PSMD5: variants seen among roughly 807,000 people sequenced by gnomAD.
The protein encoded by PSMD5 is 26S proteasome non-ATPase regulatory subunit 5.
Under a neutral mutation model 52.1 loss-of-function variants are expected in PSMD5, and 40 were observed. That is an observed-to-expected ratio of 0.77 (90% CI 0.60 to 1.00). PSMD5 has a LOEUF of 1.00. Ranked by LOEUF, PSMD5 falls within the 50% of genes least tolerant of loss-of-function variation. The probability of loss-of-function intolerance (pLI) is 0.00; values close to 1 mark genes in which losing one functional copy is unlikely to be tolerated. For synonymous variants in PSMD5, 211 were observed against 226.6 expected, an observed-to-expected ratio of 0.93 and a Z score of 0.62; for missense variants, 575 against 605.2, an observed-to-expected ratio of 0.95 and a Z score of 0.52.
At chr9:120,833,538 TCAG>T in intron 1 of PSMD5, 82 bp from the exon 2 acceptor site, 2 of 1,417,066 alleles carry the variant, frequency 1.4e-6, no homozygotes, top group Non-Finnish European at 1.9e-6. Flanking sequence ...GAAGCTTGCG[TCAG>T]CGTCTCCTCC....
intron 7 of PSMD5, 123 bp downstream of exon 7, chr9:120,824,371 T>C: frequency 1.1e-6 from 1 of 932,278 alleles, no homozygotes; most frequent in Non-Finnish European, 1.7e-6. Context: ...AAGGTCATGG[T>C]TAACAAGACT....
rs1358219656 is a variant in PSMD5 at position 120,831,849 on chromosome 9, G to C, written c.415C>G (p.Leu139Val). Residue 139 changes from leucine (L) to valine (V), a missense_variant, in exon 3 of 10, where the codon CTA (leucine) becomes GTA (valine). By Grantham distance (32) the Leu-to-Val change is conservative (BLOSUM62 1). Coordinates refer to ENST00000210313, the MANE Select transcript of PSMD5 (RefSeq NM_005047.4). ...QIVYCIGGENLSVAKAAIKSL... is the reference protein window; with the variant it reads ...QIVYCIGGENVSVAKAAIKSL... ...AGACTCACCGCTTTTGCTACAGATAGATTCTCTCCACCAATGCAATAAACA... is the reference window on the plus strand; with the variant it reads ...AGACTCACCGCTTTTGCTACAGATACATTCTCTCCACCAATGCAATAAACA... 3 of 1,612,938 alleles carry C rather than the reference G, an allele frequency of 1.9e-6. No homozygotes were observed. Among genetic ancestry groups the C allele is most frequent in the East Asian group, 2.2e-5 (1 of 44,832 alleles).
chr9:120,840,562 C>T (rs531876508), intron 1 of PSMD5, among the ~76,000 whole-genome samples: 2 of 151,538 alleles, frequency 1.3e-5, no homozygotes, highest in South Asian at 4.3e-4. Context: ...TGTCCTGCCT[C>T]AGCCTCCCAA....
At chr9:120,841,191 A>C (rs12343516) in intron 1 of PSMD5, among the ~76,000 whole-genome samples, 71,620 of 152,162 alleles carry the variant, frequency 0.47, 19,979 homozygotes, top group South Asian at 0.74. Context: ...CAAGTTTTAC[A>C]TGCCTGTGGG....
Position 120,835,050 on chromosome 9 carries a change from T to A in PSMD5, c.174-1594A>T, listed in dbSNP as rs144104433. On this transcript the variant is annotated intron_variant, in intron 1 of 9. Transcript: ENST00000210313. The stretch of plus-strand genomic sequence containing the variant: ...ACAACCTTTTGGGTAGGTAACTACA[T>A]GATACAAATGAAAAGCCTTAAAAAT... Among the ~76,000 whole-genome samples the A allele has an allele frequency of 3.5e-3, 540 of 152,336 alleles. 2 individuals are homozygous for A. Among genetic ancestry groups the A allele is most frequent in the Non-Finnish European group, 4.9e-3 (332 of 68,022 alleles).
intron 7 of PSMD5, 30 bp downstream of exon 7, chr9:120,824,464 T>C: frequency 6.2e-7 from 1 of 1,606,728 alleles, no homozygotes; most frequent in East Asian, 2.2e-5. Flanking sequence ...AAGATTAAGA[T>C]ATCCCTGAAC....
intron 6 of PSMD5, 105 bp from the exon 7 acceptor site, chr9:120,824,790 A>G (rs1015933212): frequency 6.2e-6 from 6 of 974,106 alleles, no homozygotes; most frequent in Non-Finnish European, 9.0e-6. Context: ...CCAGAAAAGC[A>G]TAGAAAGGTT....
chr9:120,839,766 T>A, intron 1 of PSMD5, among the ~76,000 whole-genome samples: 1 of 149,804 alleles, frequency 6.7e-6, no homozygotes, highest in African/African-American at 2.4e-5. Flanking sequence ...TTCCCCAGAA[T>A]CCAGGTAAGA....
At chr9:120,840,996 C>A (rs1164910989) in intron 1 of PSMD5, among the ~76,000 whole-genome samples, 1 of 152,070 alleles carries the variant, frequency 6.6e-6, no homozygotes, top group African/African-American at 2.4e-5. Context: ...TGGTGATCTG[C>A]CCGCCTCAGC....
At chr9:120,826,556 C>T (rs1205232253) in intron 6 of PSMD5, 1 of 519,732 alleles carries the variant, frequency 1.9e-6, no homozygotes, top group African/African-American at 1.9e-5. Context: ...GGATAAATCC[C>T]ACTTCATCAG....
At chr9:120,837,108 C>T (rs372206565) in intron 1 of PSMD5, among the ~76,000 whole-genome samples, 191 of 152,246 alleles carry the variant, frequency 1.3e-3, no homozygotes, top group African/African-American at 3.9e-3. Flanking sequence ...CCAGGATGGT[C>T]TCTATCTCCT....
intron 7 of PSMD5, among the ~76,000 whole-genome samples, chr9:120,822,538 TTTTTCTA>T (rs1159185814): frequency 6.6e-6 from 1 of 152,162 alleles, no homozygotes; most frequent in Non-Finnish European, 1.5e-5. Flanking sequence ...TCTTTTTTTC[TTTTTCTA>T]TTTTCTAATT....
chr9:120,836,805 A>G (rs2045201066), intron 1 of PSMD5, among the ~76,000 whole-genome samples: 1 of 151,904 alleles, frequency 6.6e-6, no homozygotes, highest in Non-Finnish European at 1.5e-5. Context: ...GAAGTCTTTT[A>G]TCAGATATAT....
intron 5 of PSMD5, among the ~76,000 whole-genome samples, 198 bp downstream of exon 5, chr9:120,828,901 G>A (rs1157864731): frequency 1.3e-5 from 2 of 152,232 alleles, no homozygotes; most frequent in East Asian, 1.9e-4. Flanking sequence ...GAATTGTCAT[G>A]TGGGGCTTTC....
chr9:120,826,829 A>T lies in PSMD5; in HGVS notation c.750T>A (p.Ile250=). 7 of 1,613,584 alleles carry T rather than the reference A, an allele frequency of 4.3e-6. No homozygotes were observed. Among genetic ancestry groups the T allele is most frequent in the Non-Finnish European group, 5.9e-6 (7 of 1,179,482 alleles). ...CAACAATTATATTAGAAATTTGGTC[A>T]ATTACTCCTTCTTGAGCAAGATATT... ...GRQYLAQEGV[I]DQISNIIVGA... is the part of the protein sequence containing the mutation. Residue 250 remains isoleucine (I), a synonymous_variant, in exon 6 of 10, where the codon ATT becomes ATA. Transcript: ENST00000210313.
chr9:120,833,568 G>A, intron 1 of PSMD5, 112 bp from the exon 2 acceptor site: 1 of 1,109,280 alleles, frequency 9.0e-7, no homozygotes. Context: ...ACTTCTTTTT[G>A]AAACAGCAGC....
chr9:120,842,450 C>G (rs1588075023), intron 1 of PSMD5: 2 of 490,758 alleles, frequency 4.1e-6, no homozygotes, highest in Non-Finnish European at 7.2e-6. Flanking sequence ...TGTAAGTGGA[C>G]AGCTTTGCTT....
intron 8 of PSMD5, 106 bp downstream of exon 8, chr9:120,821,249 G>C (rs1312353975): frequency 2.4e-6 from 2 of 830,564 alleles, no homozygotes; most frequent in African/African-American, 3.4e-5. Flanking sequence ...CATATAATGA[G>C]GGTTATCTTC....
At chr9:120,836,381 A>G (rs558167676) in intron 1 of PSMD5, among the ~76,000 whole-genome samples, 6 of 149,408 alleles carry the variant, frequency 4.0e-5, no homozygotes, top group Non-Finnish European at 8.9e-5. Context: ...TTCTACGTGC[A>G]TATTTATCAT....
Sources: allele counts gnomAD v4.1 joint callset (sites outside exome capture counted in the v4.1 genomes callset), GRCh38; gene constraint gnomAD v4.1.1; transcripts MANE v1.5; gene names NCBI Gene and HGNC (gene_info 2026-07-23, HGNC 2026-07-21).